The following CAPN8 variants were observed in gnomAD, a reference collection of about 807,000 sequenced individuals.
CAPN8 encodes the protein calpain-8.
In CAPN8, 87 loss-of-function variants were observed where a neutral mutation model predicts 80.9. That is an observed-to-expected ratio of 1.07 (90% confidence interval 0.90 to 1.28). The LOEUF (loss-of-function observed/expected upper bound fraction) is 1.28. Among genes scored for constraint, CAPN8 ranks in the 50% most tolerant of loss-of-function variants. The pLI is 0.00. For synonymous variants in CAPN8, 299 were observed against 273.8 expected (o/e 1.09, Z -0.91); for missense variants, 757 against 702.0 (o/e 1.08, Z -0.89).
intron 16 of CAPN8, among the ~76,000 whole-genome samples, chr1:223,547,447 G>C (rs1306250284): frequency 6.6e-6 from 1 of 152,176 alleles, no homozygotes; most frequent in African/African-American, 2.4e-5. Flanking sequence ...GGTTGCCTAG[G>C]GATGGTCGTG....
chr1:223,623,676 C>T (rs1657470851), intron 6 of CAPN8, among the ~76,000 whole-genome samples: 1 of 152,234 alleles, frequency 6.6e-6, no homozygotes, highest in South Asian at 2.1e-4. Context: ...ATGTTCAATT[C>T]CCATTTATGA....
intron 6 of CAPN8, 80 bp from the exon 7 acceptor site, chr1:223,622,980 C>A (rs1297679790): frequency 1.2e-5 from 14 of 1,167,688 alleles, no homozygotes; most frequent in Admixed American, 2.1e-5. Flanking sequence ...CTGACAGGAT[C>A]TGCATTAAAT....
At chr1:223,623,138 A>G (rs1396827009) in intron 6 of CAPN8, among the ~76,000 whole-genome samples, 3 of 152,242 alleles carry the variant, frequency 2.0e-5, no homozygotes, top group Non-Finnish European at 1.5e-5. Flanking sequence ...TAGCCCAAAA[A>G]CAAGCTTATG....
Position 223,612,262 on chromosome 1 carries a change from G to A in CAPN8, c.1312-5C>T. 2 of 1,234,226 alleles carry A rather than the reference G, an allele frequency of 1.6e-6. No homozygotes were observed. Among genetic ancestry groups the A allele is most frequent in the South Asian group, 4.1e-5 (1 of 24,390 alleles). 76.5% of individuals were successfully genotyped at this position (1,234,226 alleles called of 1,614,324 possible). On this transcript the variant is annotated splice_polypyrimidine_tract_variant and splice_region_variant and intron_variant, in intron 10 of 20. Coordinates refer to ENST00000366872, the MANE Select transcript of CAPN8 (RefSeq NM_001143962.2). ...CTCACATACCTCCTTGGGAACCTGT[G>A]GGGCAGAAGAAAAGAGCAGGTCACC...
intron 15 of CAPN8, among the ~76,000 whole-genome samples, chr1:223,550,702 C>T (rs1289379731): frequency 6.6e-6 from 1 of 152,178 alleles, no homozygotes; most frequent in African/African-American, 2.4e-5. Flanking sequence ...TTTCACTTGA[C>T]ACTATGGAGC....
At chr1:223,613,886 T>C (rs1469888213) in intron 10 of CAPN8, among the ~76,000 whole-genome samples, 1 of 152,224 alleles carries the variant, frequency 6.6e-6, no homozygotes, top group Non-Finnish European at 1.5e-5. Context: ...TAACCTGACT[T>C]TTAAACTGTT....
intron 9 of CAPN8, chr1:223,618,224 C>T: frequency 1.9e-6 from 3 of 1,550,370 alleles, no homozygotes; most frequent in Non-Finnish European, 2.6e-6. Context: ...AGATGTGGGG[C>T]TGTCTTCCTG....
intron 2 of CAPN8, among the ~76,000 whole-genome samples, chr1:223,642,389 C>G (rs999167978): frequency 1.3e-5 from 2 of 152,206 alleles, no homozygotes; most frequent in African/African-American, 4.8e-5. Context: ...ATAAGGCACA[C>G]TAATCCACTT....
rs1012196357 is a variant in CAPN8 at position 223,557,813 on chromosome 1, A to G, written c.1572+318T>C. 3.8e-3 allele frequency among the ~76,000 whole-genome samples: 586 copies of G among 152,334 alleles called. 8 individuals carry two copies. Among genetic ancestry groups the G allele is most frequent in the African/African-American group, 0.013 (542 of 41,574 alleles). On this transcript the variant is annotated intron_variant, in intron 13 of 20. Coordinates refer to ENST00000366872, the MANE Select transcript of CAPN8 (RefSeq NM_001143962.2). ...AATCCAAGAGCAGGACACTGGATCT[A>G]TTCTCTCAAGGACTTCTCTATCTCG...
At chr1:223,651,170 G>A (rs541156828) in intron 2 of CAPN8, among the ~76,000 whole-genome samples, 6 of 152,236 alleles carry the variant, frequency 3.9e-5, no homozygotes, top group South Asian at 2.1e-4. Flanking sequence ...CTGAGAAGAC[G>A]GAGCAAGGAA....
At chr1:223,645,501 A>G (rs1198726345) in intron 2 of CAPN8, among the ~76,000 whole-genome samples, 4 of 152,168 alleles carry the variant, frequency 2.6e-5, no homozygotes, top group Admixed American at 2.6e-4. Context: ...GACACGCAAA[A>G]CAAGTCAGAG....
At chr1:223,628,913 C>T (rs1228575062) in intron 2 of CAPN8, 133 bp from the exon 3 acceptor site, 8 of 671,888 alleles carry the variant, frequency 1.2e-5, no homozygotes, top group South Asian at 1.9e-5. Context: ...GTTTCCTCCT[C>T]CGGTGCTGGA....
intron 2 of CAPN8, among the ~76,000 whole-genome samples, chr1:223,640,481 A>C (rs1455078742): frequency 6.6e-6 from 1 of 151,766 alleles, no homozygotes; most frequent in Non-Finnish European, 1.5e-5. Context: ...CTGCTATCTC[A>C]CTCCCACCAC....
At position 223,543,163 on chromosome 1, in the gene CAPN8, A is replaced by G; in HGVS notation, c.2033T>C (p.Leu678Pro). ...CTTGTCTTCGTCCAGAAGGCTGAAT[A>G]GTTCTAAAACACCAGAGAAGGAAAT... ...CMIRLETLFK[L>P]FSLLDEDKDG... Residue 678 changes from leucine to proline, a missense_variant, in exon 20 of 21, where the codon CTA (leucine) becomes CCA (proline). Coordinates refer to ENST00000366872, the MANE Select transcript of CAPN8 (RefSeq NM_001143962.2). 1 of 1,551,680 alleles carries G rather than the reference A, an allele frequency of 6.4e-7. No individual in the cohort carries two copies. The highest frequency in any genetic ancestry group is 8.7e-7 in the Non-Finnish European group (1 of 1,146,968).
intron 7 of CAPN8, among the ~76,000 whole-genome samples, chr1:223,621,454 C>A (rs983810865): frequency 3.9e-5 from 6 of 152,164 alleles, no homozygotes; most frequent in African/African-American, 1.2e-4. Flanking sequence ...GAAAGTCAAA[C>A]AAGCCCTTTG....
intron 1 of CAPN8, among the ~76,000 whole-genome samples, chr1:223,656,589 C>T (rs1229254048): frequency 1.3e-5 from 2 of 151,608 alleles, no homozygotes; most frequent in African/African-American, 4.9e-5. Flanking sequence ...AGAGTCCGCA[C>T]TGGTAGCATT....
intron 3 of CAPN8, among the ~76,000 whole-genome samples, chr1:223,628,450 A>C (rs1027050615): frequency 6.6e-6 from 1 of 152,208 alleles, no homozygotes; most frequent in Non-Finnish European, 1.5e-5. Context: ...CACGTGGCCT[A>C]GGGGAGCTGG....
At position 223,544,837 on chromosome 1, in the gene CAPN8, T is replaced by C. The variant is rs936338976; in HGVS notation, c.1847A>G (p.Glu616Gly). Reference sequence around the variant, plus strand: ...GGTGCCCGAGTGGTTATAATCAGTTTCCCAATAGATCTCCTAAAGCAGGAA... The same window carrying C: ...GGTGCCCGAGTGGTTATAATCAGTTCCCCAATAGATCTCCTAAAGCAGGAA... ...KIQKYLEIYW[E>G]TDYNHSGTID... Residue 616 changes from glutamate to glycine, a missense_variant, in exon 18 of 21, where the codon GAA (glutamate) becomes GGA (glycine). Coordinates refer to ENST00000366872, the MANE Select transcript of CAPN8 (RefSeq NM_001143962.2). 9.5e-5 allele frequency: 147 copies of C among 1,551,556 alleles called. No individual in the cohort carries two copies. The highest frequency in any genetic ancestry group is 1.3e-4 in the Non-Finnish European group (146 of 1,147,014).
chr1:223,625,868 G>A lies in CAPN8; in HGVS notation c.750C>T (p.Ala250=), dbSNP rs1041871679. ...CCAGCTTCTGGCTGGTGATGGCTTCGGCTTCGGCTGCACTGGAGACCTGCG... is the reference window on the plus strand; with the variant it reads ...CCAGCTTCTGGCTGGTGATGGCTTCAGCTTCGGCTGCACTGGAGACCTGCG... ...CSIDVSSAAE[A]EAITSQKLVK... is the part of the protein sequence containing the mutation. Residue 250 remains alanine, a synonymous_variant, in exon 6 of 21, where the codon GCC becomes GCT. Coordinates refer to ENST00000366872, the MANE Select transcript of CAPN8 (RefSeq NM_001143962.2). The A allele has an allele frequency of 1.4e-5, 21 of 1,551,294 alleles. No homozygotes were observed. Among genetic ancestry groups the A allele is most frequent in the Admixed American group, 7.8e-5 (4 of 50,972 alleles).
Sources: gnomAD v4.1 joint callset for allele counts (sites outside exome capture counted in the v4.1 genomes callset) on GRCh38, gnomAD v4.1.1 for gene constraint, MANE v1.5 for transcripts, NCBI Gene and HGNC (gene_info 2026-07-23, HGNC 2026-07-21) for gene names.